Variants in HIP1R observed in about 807,000 individuals in gnomAD.
HIP1R encodes the protein huntingtin-interacting protein 1-related protein.
HIP1R carries 135 observed loss-of-function variants against 144.2 expected under a neutral mutation model. The observed-to-expected ratio is 0.94, with a 90% CI of 0.81 to 1.08. The LOEUF (loss-of-function observed/expected upper bound fraction) is 1.08, where lower values mean the gene tolerates loss of function less well. Ranked by LOEUF, HIP1R falls within the 50% of genes least tolerant of loss-of-function variation. HIP1R has a pLI of 0.00. For synonymous variants in HIP1R, 698 were observed against 612.8 expected, an observed-to-expected ratio of 1.14 and a Z score of -2.05; for missense variants, 1,462 against 1,432.8, an observed-to-expected ratio of 1.02 and a Z score of -0.33.
At position 122,840,736 on chromosome 12, in the gene HIP1R, G is replaced by A. The variant is rs868638745; in HGVS notation, c.93+5093G>A. Among the ~76,000 whole-genome samples, 9 of 152,184 alleles carry A rather than the reference G, an allele frequency of 5.9e-5. No homozygotes were observed. Among genetic ancestry groups the A allele is most frequent in the African/African-American group, 2.2e-4 (9 of 41,426 alleles). ...AGTGGATCTGCACAGAGGTTGGGGGGACTCAGGCAGGTGGGGACAGCCCTT... is the reference window on the plus strand; with the variant it reads ...AGTGGATCTGCACAGAGGTTGGGGGAACTCAGGCAGGTGGGGACAGCCCTT... On this transcript the variant is annotated intron_variant, in intron 1 of 31. Coordinates refer to ENST00000253083, the MANE Select transcript of HIP1R (RefSeq NM_003959.3). The surrounding 1 kb of genome is among the most constrained non-coding windows in gnomAD (Gnocchi z 4.2).
At chr12:122,860,391 C>T (rs569472801) in intron 26 of HIP1R, 32 bp from the exon 27 acceptor site, 8 of 1,607,356 alleles carry the variant, frequency 5.0e-6, no homozygotes, top group South Asian at 3.3e-5. Context: ...CCTTGACTGG[C>T]ATGTCCTGCC....
chr12:122,845,638 C>T (rs2033189134), intron 1 of HIP1R, among the ~76,000 whole-genome samples: 1 of 152,192 alleles, frequency 6.6e-6, no homozygotes, highest in African/African-American at 2.4e-5. Context: ...TCTGCTTCCC[C>T]TCGTGTTGCT....
rs2033276548 is a variant in HIP1R at position 122,848,519 on chromosome 12, G to C, written c.211G>C (p.Ala71Pro). 6.2e-7 allele frequency: 1 copy of C among 1,613,304 alleles called. No homozygotes were observed. The highest frequency in any genetic ancestry group is 8.5e-7 in the Non-Finnish European group (1 of 1,179,982). ...EKGAFTFWSY[A>P]IGLPLPSSSI... Reference sequence around the variant, plus strand: ...GGGGGCTTTCACCTTCTGGTCCTACGCCATTGGGCTGCCGCTGCCCAGCAG... The same window carrying C: ...GGGGGCTTTCACCTTCTGGTCCTACCCCATTGGGCTGCCGCTGCCCAGCAG... The change falls in exon 3 of 32, where the codon GCC (alanine) becomes CCC (proline). Residue 71 changes from alanine (A) to proline (P), a missense_variant. Physicochemically the swap from Ala to Pro is conservative, Grantham distance 27. Coordinates refer to ENST00000253083, the MANE Select transcript of HIP1R (RefSeq NM_003959.3).
chr12:122,853,789 G>A (rs1207361887), intron 7 of HIP1R: 4 of 400,586 alleles, frequency 1.0e-5, no homozygotes, highest in Non-Finnish European at 1.8e-5. Context: ...CCCAGGTGGA[G>A]GTCTCTGGAA....
chr12:122,862,268 C>T lies in HIP1R; in HGVS notation c.*515C>T, dbSNP rs148611116. ...CCGATTCTACCAGGCCCTCCAGCTG[C>T]GTGGTCTCCGCAGACCAGGCTCTGT... On this transcript the variant is annotated 3_prime_UTR_variant, in exon 32 of 32. Transcript: ENST00000253083. The T allele has an allele frequency of 4.7e-4, 74 of 156,320 alleles. No individual in the cohort carries two copies. The highest frequency in any genetic ancestry group is 1.9e-3 in the Admixed American group (29 of 15,546). 9.7% of individuals were successfully genotyped at this position (156,320 alleles called of 1,614,324 possible).
At chr12:122,853,986 G>A (rs2135663708) in intron 7 of HIP1R, 57 bp from the exon 8 acceptor site, 1 of 1,580,600 alleles carries the variant, frequency 6.3e-7, no homozygotes, top group East Asian at 2.3e-5. Flanking sequence ...GGACCACCTT[G>A]GACAGGTTGC....
intron 1 of HIP1R, among the ~76,000 whole-genome samples, chr12:122,842,369 T>C (rs1480629288): frequency 6.6e-6 from 1 of 152,174 alleles, no homozygotes; most frequent in African/African-American, 2.4e-5. Context: ...GCAGCTCTAG[T>C]GGATAAATTA....
At position 122,860,722 on chromosome 12, in the gene HIP1R, G is replaced by C. The variant is rs773157357; in HGVS notation, c.2704G>C (p.Glu902Gln). The change falls in exon 28 of 32, where the codon GAG (glutamate) becomes CAG (glutamine). Residue 902 changes from glutamate (E) to glutamine (Q), a missense_variant. Coordinates refer to ENST00000253083, the MANE Select transcript of HIP1R (RefSeq NM_003959.3). ...GGTGCTTCACACGGGCAAGTATGAG[G>C]AGCTCATCGTCTGCTCCCACGAGAT... ...KVVLHTGKYE[E>Q]LIVCSHEIAA... is the part of the protein sequence containing the mutation. 1.9e-6 allele frequency: 3 copies of C among 1,613,306 alleles called. No homozygotes were observed. The highest frequency in any genetic ancestry group is 2.5e-6 in the Non-Finnish European group (3 of 1,179,968).
At position 122,856,657 on chromosome 12, in the gene HIP1R, CAA is replaced by C. The variant is rs766914945; in HGVS notation, c.1552_1553del (p.Lys518GlufsTer277). On this transcript the variant is annotated frameshift_variant, in exon 17 of 32. Coordinates refer to ENST00000253083, the MANE Select transcript of HIP1R (RefSeq NM_003959.3). LOFTEE classifies it high-confidence loss of function. ...EEKSDQLEKL[K>X]RELEAKAGEL... ...AGAAGAGCGACCAGCTGGAGAAGCTCAAGAGGGAGCTGGAGGCCAAGGCCGGA... is the reference window on the plus strand; with the variant it reads ...AGAAGAGCGACCAGCTGGAGAAGCTCGAGGGAGCTGGAGGCCAAGGCCGGA... The C allele has an allele frequency of 1.1e-5, 18 of 1,604,320 alleles. No individual in the cohort carries two copies. The highest frequency in any genetic ancestry group is 1.7e-6 in the Non-Finnish European group (2 of 1,175,786).
chr12:122,835,531 A>T lies in HIP1R; in HGVS notation c.-20A>T. ...GAGTCGCGCGGACGGAGCCGGACAAAAGCGGGCGGCGGCGGCAGGATGAAC... is the reference window on the plus strand; with the variant it reads ...GAGTCGCGCGGACGGAGCCGGACAATAGCGGGCGGCGGCGGCAGGATGAAC... On this transcript the variant is annotated 5_prime_UTR_variant, in exon 1 of 32. Transcript: ENST00000253083. 7.5e-7 allele frequency: 1 copy of T among 1,326,602 alleles called. No homozygotes were observed. Among genetic ancestry groups the T allele is most frequent in the Non-Finnish European group, 9.7e-7 (1 of 1,029,928 alleles). 82.2% of individuals were successfully genotyped at this position (1,326,602 alleles called of 1,614,324 possible). A position where few individuals can be genotyped will look rare whatever the true frequency, so the allele number is the denominator to read the frequency against.
chr12:122,843,835 G>A (rs142249466), intron 1 of HIP1R, among the ~76,000 whole-genome samples: 5 of 152,284 alleles, frequency 3.3e-5, no homozygotes, highest in Non-Finnish European at 4.4e-5. Flanking sequence ...GTCTCACGGC[G>A]CTGTGGAACT....
At position 122,860,659 on chromosome 12, in the gene HIP1R, G is replaced by GACTGGCCCTT; in HGVS notation, c.2661-19_2661-10dup. On this transcript the variant is annotated intron_variant, in intron 27 of 31. Transcript: ENST00000253083. ...CCGTGGGGTCAGAGACCCTGGCCCT[G>GACTGGCCCTT]ACTGGCCCTTGACCCGCAGGGAGGC... The GACTGGCCCTT allele has an allele frequency of 6.2e-7, 1 of 1,609,358 alleles. No individual in the cohort carries two copies. The highest frequency in any genetic ancestry group is 8.5e-7 in the Non-Finnish European group (1 of 1,176,424).
chr12:122,858,433 C>T lies in HIP1R; in HGVS notation c.2048C>T (p.Ala683Val), dbSNP rs1163309288. 2 of 1,603,344 alleles carry T rather than the reference C, an allele frequency of 1.2e-6. No homozygotes were observed. Among genetic ancestry groups the T allele is most frequent in the South Asian group, 1.1e-5 (1 of 90,190 alleles). ...EGHAQYLTSL[A>V]DASALVAALT... is the part of the protein sequence containing the mutation. ...CACGCCCAGTACCTGACCTCCTTGGCAGGTGAGTGTAGCCAGGGCAGGGCG... is the reference window on the plus strand; with the variant it reads ...CACGCCCAGTACCTGACCTCCTTGGTAGGTGAGTGTAGCCAGGGCAGGGCG... Residue 683 changes from alanine (A) to valine (V), a missense_variant and splice_region_variant, in exon 20 of 32, where the codon GCA (alanine) becomes GTA (valine). Ala to Val is a moderately conservative substitution (Grantham distance 64, BLOSUM62 0). This residue lies in a region of HIP1R where 1,112 missense variants were observed against 1,011.7 expected (regional missense o/e 1.10). Coordinates refer to ENST00000253083, the MANE Select transcript of HIP1R (RefSeq NM_003959.3).
In HIP1R at chr12:122,862,803, C is replaced by A. The variant is rs986082925; in HGVS notation, c.*1050C>A. The A allele has an allele frequency of 6.6e-6, 1 of 152,152 alleles. No homozygotes were observed. Among genetic ancestry groups the A allele is most frequent in the East Asian group, 1.9e-4 (1 of 5,200 alleles). The allele number at this position is 152,152 out of a possible 1,614,324, so 9.4% of individuals were successfully genotyped here. On this transcript the variant is annotated 3_prime_UTR_variant, in exon 32 of 32. Transcript: ENST00000253083. ...CCTGCTCCCCCCACCCCAGCCCTAG[C>A]CCTTTAGCCTTTCACCCTGTGCTCT...
chr12:122,834,792 C>A, upstream of HIP1R: 1 of 434,472 alleles, frequency 2.3e-6, no homozygotes, highest in Non-Finnish European at 4.1e-6. Context: ...GAGCCGGCGG[C>A]GTCTCTGGAA....
At position 122,848,886 on chromosome 12, in the gene HIP1R, T is replaced by G. The variant is rs754546973; in HGVS notation, c.357+34T>G. The G allele has an allele frequency of 5.6e-6, 9 of 1,607,952 alleles. No homozygotes were observed. The Admixed American group carries it at 1.5e-4, about 27-fold the overall frequency. ...AGCCATTCTAGGTCCTGCCTGGCAT[T>G]CGGGGCTTTCCTGAGCGTGTGGGGC... On this transcript the variant is annotated intron_variant, in intron 4 of 31. Transcript: ENST00000253083.
chr12:122,855,679 G>C, intron 12 of HIP1R, 67 bp downstream of exon 12: 1 of 1,533,012 alleles, frequency 6.5e-7, no homozygotes, highest in Non-Finnish European at 8.8e-7. Context: ...CTGTGCTCTG[G>C]ACAGTTCTGT....
intron 23 of HIP1R, 51 bp downstream of exon 23, chr12:122,859,587 C>T (rs113042311): frequency 6.2e-5 from 91 of 1,478,452 alleles, no homozygotes; most frequent in Non-Finnish European, 7.6e-5. Flanking sequence ...CTTTGGGGGC[C>T]GGAGGCCCCA....
chr12:122,861,640 C>G, intron 31 of HIP1R, 66 bp from the exon 32 acceptor site: 1 of 1,597,862 alleles, frequency 6.3e-7, no homozygotes, highest in South Asian at 1.1e-5. Context: ...GGAGCTTGCT[C>G]AAGGGAGAGG....
Sources: gnomAD v4.1 joint callset for allele counts (sites outside exome capture counted in the v4.1 genomes callset) on GRCh38, gnomAD v4.1.1 for gene constraint, gnomAD v4.1.1 regional missense constraint, Gnocchi (gnomAD v3.1) non-coding constraint, MANE v1.5 for transcripts, NCBI Gene and HGNC (gene_info 2026-07-23, HGNC 2026-07-21) for gene names.